Variants in KIAA0319 observed in about 807,000 individuals in gnomAD.
The protein encoded by KIAA0319 is dyslexia-associated protein KIAA0319.
Under a neutral mutation model 108.4 loss-of-function variants are expected in KIAA0319, and 83 were observed. That is an observed-to-expected ratio of 0.77 (90% CI 0.64 to 0.92). KIAA0319 has a LOEUF of 0.92. Ranked by LOEUF, KIAA0319 falls within the 40% of genes least tolerant of loss-of-function variation. The probability of loss-of-function intolerance (pLI) is 0.00; values close to 1 mark genes in which losing one functional copy is unlikely to be tolerated. For synonymous variants in KIAA0319, 484 were observed against 510.4 expected, an observed-to-expected ratio of 0.95 and a Z score of 0.70; for missense variants, 1,195 against 1,322.4, an observed-to-expected ratio of 0.90 and a Z score of 1.49.
intron 1 of KIAA0319, among the ~76,000 whole-genome samples, chr6:24,640,279 T>C (rs1393294498): frequency 6.6e-6 from 1 of 152,172 alleles, no homozygotes; most frequent in Admixed American, 6.5e-5. Context: ...AAGAATGCCA[T>C]CAGGGAAATA....
In KIAA0319 at chr6:24,551,337, C is replaced by A. The variant is rs945277921; in HGVS notation, c.3040+97G>T. On this transcript the variant is annotated intron_variant, in intron 20 of 20. Transcript: ENST00000378214. Reference sequence around the variant, plus strand: ...TTCCTTCCCAATTAAAGTGCTGACTCCAGCAAATCGTTCTCCCTCTATCCA... The same window carrying A: ...TTCCTTCCCAATTAAAGTGCTGACTACAGCAAATCGTTCTCCCTCTATCCA... 15 of 820,956 alleles carry A rather than the reference C, an allele frequency of 1.8e-5. No individual in the cohort carries two copies. The South Asian group carries it at 2.2e-4, about 12-fold the overall frequency. The allele number at this position is 820,956 out of a possible 1,614,324, so 50.9% of individuals were successfully genotyped here. A position where few individuals can be genotyped will look rare whatever the true frequency, so the allele number is the denominator to read the frequency against.
rs940026140 is a variant in KIAA0319, at chr6:24,599,396, T to C, written c.55+1653A>G. 1 of 546,292 alleles carries C rather than the reference T, an allele frequency of 1.8e-6. No homozygotes were observed. Among genetic ancestry groups the C allele is most frequent in the East Asian group, 4.3e-5 (1 of 23,228 alleles). The allele number at this position is 546,292 out of a possible 1,614,324, so 33.8% of individuals were successfully genotyped here. A position where few individuals can be genotyped will look rare whatever the true frequency, so the allele number is the denominator to read the frequency against. On this transcript the variant is annotated intron_variant, in intron 2 of 20. Coordinates refer to ENST00000378214, the MANE Select transcript of KIAA0319 (RefSeq NM_014809.4). This position sits in a 1 kb window ranked among gnomAD's most constrained non-coding sequence, Gnocchi z 4.1. Reference sequence around the variant, plus strand: ...AGCGTGGGGAGCTGGCCATTAAGGATGCCAATGCCAAGCTGTCCAAGCTGG... The same window carrying C: ...AGCGTGGGGAGCTGGCCATTAAGGACGCCAATGCCAAGCTGTCCAAGCTGG...
At position 24,554,586 on chromosome 6, in the gene KIAA0319, A is replaced by C; in HGVS notation, c.2903T>G (p.Val968Gly). The change falls in exon 19 of 21, where the codon GTG becomes GGG. Residue 968 changes from valine (V) to glycine (G), a missense_variant. Physicochemically the swap from Val to Gly is moderately radical, Grantham distance 109. Coordinates refer to ENST00000378214, the MANE Select transcript of KIAA0319 (RefSeq NM_014809.4). ...YVTVLAFTLI[V>G]LTGGFTWLCI... ...AAGCCAAGTGAAACCTCCTGTTAGC[A>C]CAATAAGAGTAAAAGCCAACACTGT... The C allele has an allele frequency of 6.2e-7, 1 of 1,614,096 alleles. No individual in the cohort carries two copies. The highest frequency in any genetic ancestry group is 2.2e-5 in the East Asian group (1 of 44,878).
At chr6:24,573,338 T>C (rs1404698759) in intron 10 of KIAA0319, among the ~76,000 whole-genome samples, 1 of 152,072 alleles carries the variant, frequency 6.6e-6, no homozygotes, top group Non-Finnish European at 1.5e-5. Flanking sequence ...TGAAGAACAG[T>C]CTATCACAGC....
intron 10 of KIAA0319, among the ~76,000 whole-genome samples, chr6:24,575,145 T>C (rs144051338): frequency 2.0e-5 from 3 of 152,334 alleles, no homozygotes; most frequent in Non-Finnish European, 4.4e-5. Context: ...TTAATACTCC[T>C]TTGGACATCT....
rs70974925 is a variant in KIAA0319, at chr6:24,645,840, T to TACACACACACACACACACAC, written c.-230_-211dup. 1 of 140,370 alleles carries TACACACACACACACACACAC rather than the reference T, an allele frequency of 7.1e-6. No individual in the cohort carries two copies. The highest frequency in any genetic ancestry group is 2.1e-4 in the East Asian group (1 of 4,680). 8.7% of individuals were successfully genotyped at this position (140,370 alleles called of 1,614,324 possible). On this transcript the variant is annotated 5_prime_UTR_variant, in exon 1 of 21. Transcript: ENST00000378214. Reference sequence around the variant, plus strand: ...TCCTCCTCGTCGTCATCGCAGGTCTTACACACACACACACACACACACACA... The same window carrying TACACACACACACACACACAC: ...TCCTCCTCGTCGTCATCGCAGGTCTTACACACACACACACACACACACACACACACACACACACACACACA...
chr6:24,583,652 C>A lies in KIAA0319; in HGVS notation c.1045G>T (p.Asp349Tyr). The A allele has an allele frequency of 6.2e-7, 1 of 1,613,776 alleles. No individual in the cohort carries two copies. Among genetic ancestry groups the A allele is most frequent in the Non-Finnish European group, 8.5e-7 (1 of 1,179,860 alleles). ...AAGGCCTTCAGTTCAACTTCATTGT[C>A]GGGTAAAGTTATAATTAGGTTATCT... is the stretch of plus-strand genomic sequence containing the variant. ...AGDNLIITLP[D>Y]NEVELKAFVA... is the part of the protein sequence containing the mutation. The change falls in exon 5 of 21, where the codon GAC becomes TAC. Residue 349 changes from aspartate (D) to tyrosine (Y), a missense_variant. Transcript: ENST00000378214.
intron 9 of KIAA0319, among the ~76,000 whole-genome samples, chr6:24,576,901 GGCA>G (rs1317901602): frequency 1.6e-4 from 25 of 151,840 alleles, no homozygotes; most frequent in Non-Finnish European, 3.4e-4. Context: ...CTGCAGCTCA[GGCA>G]GCAGAGCAAC....
chr6:24,594,715 T>C (rs1247432230), intron 3 of KIAA0319, among the ~76,000 whole-genome samples: 1 of 152,034 alleles, frequency 6.6e-6, no homozygotes, highest in African/African-American at 2.4e-5. Flanking sequence ...TTATAATGTA[T>C]AGTCAATTCA....
intron 20 of KIAA0319, among the ~76,000 whole-genome samples, chr6:24,548,382 C>CA (rs1426140249): frequency 6.6e-6 from 1 of 152,230 alleles, no homozygotes; most frequent in East Asian, 1.9e-4. Flanking sequence ...GGTTACCACA[C>CA]AGAAACTGAA....
At chr6:24,580,831 T>C (rs926528799) in intron 7 of KIAA0319, 95 bp downstream of exon 7, 1 of 768,196 alleles carries the variant, frequency 1.3e-6, no homozygotes, top group East Asian at 2.5e-5. Context: ...GTTTTGTCTC[T>C]CTAGGTAGAT....
chr6:24,579,356 T>A (rs1370987840), intron 8 of KIAA0319, among the ~76,000 whole-genome samples: 1 of 149,476 alleles, frequency 6.7e-6, no homozygotes, highest in African/African-American at 2.5e-5. Context: ...GATTTTCCCA[T>A]CTGGTGGGGG....
At chr6:24,602,403 CG>C (rs11339762) in intron 1 of KIAA0319, among the ~76,000 whole-genome samples, 44,260 of 152,148 alleles carry the variant, frequency 0.29, 8,210 homozygotes, top group Non-Finnish European at 0.4. Flanking sequence ...CATGCCAGGC[CG>C]GAAGTGGATG....
chr6:24,636,138 A>G (rs1239464239), intron 1 of KIAA0319, among the ~76,000 whole-genome samples: 2 of 152,244 alleles, frequency 1.3e-5, no homozygotes, highest in Non-Finnish European at 2.9e-5. Flanking sequence ...GGATAAATGG[A>G]ACATATATAC....
intron 10 of KIAA0319, among the ~76,000 whole-genome samples, chr6:24,574,101 T>G (rs1470697663): frequency 1.3e-5 from 2 of 151,444 alleles, no homozygotes; most frequent in Non-Finnish European, 2.9e-5. Context: ...GGCCACAGAG[T>G]GAGACTCTGT....
chr6:24,547,410 G>A, intron 20 of KIAA0319, 67 bp from the exon 21 acceptor site: 2 of 1,413,050 alleles, frequency 1.4e-6, no homozygotes, highest in Non-Finnish European at 2.0e-6. Context: ...CAGTCGTTGT[G>A]GTTGCAGGTC....
chr6:24,590,089 G>C (rs935379667), intron 3 of KIAA0319, among the ~76,000 whole-genome samples: 1 of 152,158 alleles, frequency 6.6e-6, no homozygotes, highest in African/African-American at 2.4e-5. Flanking sequence ...TAATTCAAAT[G>C]TAAATCAGAG....
chr6:24,547,154 G>T lies in KIAA0319; in HGVS notation c.*11C>A. On this transcript the variant is annotated 3_prime_UTR_variant, in exon 21 of 21. Coordinates refer to ENST00000378214, the MANE Select transcript of KIAA0319 (RefSeq NM_014809.4). ...TCAAGGGGTCCTTCCACTTTACAAT[G>T]AACTGCGCCATTATCTGTCCTTTGA... 6.2e-7 allele frequency: 1 copy of T among 1,613,810 alleles called. No homozygotes were observed. The highest frequency in any genetic ancestry group is 1.1e-5 in the South Asian group (1 of 91,000).
At chr6:24,550,898 A>C (rs1243152608) in intron 20 of KIAA0319, among the ~76,000 whole-genome samples, 1 of 152,058 alleles carries the variant, frequency 6.6e-6, no homozygotes, top group Non-Finnish European at 1.5e-5. Flanking sequence ...ATTACACCAA[A>C]ATTTCATTAA....
Sources: allele counts gnomAD v4.1 joint callset (sites outside exome capture counted in the v4.1 genomes callset), GRCh38; gene constraint gnomAD v4.1.1; non-coding constraint Gnocchi (gnomAD v3.1); transcripts MANE v1.5; gene names NCBI Gene and HGNC (gene_info 2026-07-23, HGNC 2026-07-21).